Variants in NR3C1 observed in about 807,000 individuals in gnomAD.
NR3C1 encodes the protein nuclear receptor subfamily 3 group C member 1.
NR3C1 carries 14 observed loss-of-function variants against 74.0 expected under a neutral mutation model. That is an observed-to-expected ratio of 0.19 (90% CI 0.12 to 0.30). The LOEUF is 0.30. Ranked by LOEUF, NR3C1 falls within the 10% of genes least tolerant of loss-of-function variation. The pLI is 1.00. For synonymous variants in NR3C1, 308 were observed against 332.5 expected (o/e 0.93, Z 0.80); for missense variants, 695 against 909.8 (o/e 0.76, Z 3.04).
At chr5:143,426,522 G>A (rs1751538432) in intron 1 of NR3C1, among the ~76,000 whole-genome samples, 1 of 152,142 alleles carries the variant, frequency 6.6e-6, no homozygotes, top group Non-Finnish European at 1.5e-5. Context: ...ACAAAAACAC[G>A]TGTTTTGCAT....
chr5:143,333,495 C>T (rs1211771181), intron 2 of NR3C1, among the ~76,000 whole-genome samples: 3 of 151,852 alleles, frequency 2.0e-5, no homozygotes, highest in African/African-American at 7.3e-5. Context: ...GCTGGCCGGG[C>T]GCGGTGGCTC....
At chr5:143,310,870 A>G (rs906554017) in intron 3 of NR3C1, among the ~76,000 whole-genome samples, 1 of 151,942 alleles carries the variant, frequency 6.6e-6, no homozygotes, top group Non-Finnish European at 1.5e-5. Flanking sequence ...GTTGGCTAGG[A>G]TTGTCTCGAT....
At chr5:143,418,997 TATCCCTAATCCCA>T (rs1260248020) in intron 1 of NR3C1, among the ~76,000 whole-genome samples, 1 of 152,216 alleles carries the variant, frequency 6.6e-6, no homozygotes, top group Non-Finnish European at 1.5e-5. Context: ...ATAGGTCAAA[TATCCCTAATCCCA>T]AATTCTGAAA....
intron 2 of NR3C1, among the ~76,000 whole-genome samples, chr5:143,333,897 T>C: frequency 6.6e-6 from 1 of 152,278 alleles, no homozygotes; most frequent in Non-Finnish European, 1.5e-5. Flanking sequence ...TCTATTTTGC[T>C]GAAGAAATCT....
At chr5:143,389,231 C>G (rs1335853157) in intron 2 of NR3C1, among the ~76,000 whole-genome samples, 2 of 152,278 alleles carry the variant, frequency 1.3e-5, no homozygotes, top group Middle Eastern at 3.4e-3. Context: ...TCTTCTTCAT[C>G]TCCATATGCC....
intron 1 of NR3C1, chr5:143,408,853 A>T (rs759550040): frequency 4.6e-5 from 7 of 152,098 alleles, no homozygotes; most frequent in Non-Finnish European, 7.4e-5. Context: ...AATTTTTATG[A>T]TTCCTCACTC....
At chr5:143,360,987 A>T (rs1269666016) in intron 2 of NR3C1, among the ~76,000 whole-genome samples, 1 of 152,250 alleles carries the variant, frequency 6.6e-6, no homozygotes, top group African/African-American at 2.4e-5. Context: ...CAAACAAATA[A>T]GCTATCCTAT....
At chr5:143,361,227 T>C (rs1290033784) in intron 2 of NR3C1, among the ~76,000 whole-genome samples, 2 of 152,206 alleles carry the variant, frequency 1.3e-5, no homozygotes, top group Non-Finnish European at 2.9e-5. Flanking sequence ...GCAGCAACAC[T>C]GGCATTAACT....
chr5:143,285,193 T>C (rs947016574), intron 7 of NR3C1, among the ~76,000 whole-genome samples: 1 of 152,176 alleles, frequency 6.6e-6, no homozygotes, highest in South Asian at 2.1e-4. Flanking sequence ...GTGAAATCCC[T>C]TGAGGCCATA....
At chr5:143,314,356 A>C (rs1431563441) in intron 2 of NR3C1, among the ~76,000 whole-genome samples, 188 bp from the exon 3 acceptor site, 1 of 151,868 alleles carries the variant, frequency 6.6e-6, no homozygotes, top group Admixed American at 6.6e-5. Flanking sequence ...CAAAATTAAG[A>C]ATGAGGTCAT....
chr5:143,401,944 G>A (rs1274996968), intron 1 of NR3C1, among the ~76,000 whole-genome samples: 7 of 152,180 alleles, frequency 4.6e-5, no homozygotes, highest in African/African-American at 1.7e-4. Flanking sequence ...GTTAATCAGG[G>A]TGTTTTAAGA....
At position 143,327,658 on chromosome 5, in the gene NR3C1, C is replaced by T. The variant is rs116295240; in HGVS notation, c.1185-13490G>A. ...ATGTTCCTGTTCCAAATGGGAGAAA[C>T]TGGTCAAACCAAGGGCCACAGGCCC... On this transcript the variant is annotated intron_variant, in intron 2 of 8. Coordinates refer to ENST00000394464, the MANE Select transcript of NR3C1 (RefSeq NM_000176.3). Among the ~76,000 whole-genome samples, 833 of 152,352 alleles carry T rather than the reference C, an allele frequency of 5.5e-3. 5 individuals are homozygous for T. Among genetic ancestry groups the T allele is most frequent in the East Asian group, 0.022 (115 of 5,182 alleles).
In NR3C1 at chr5:143,403,389, G is replaced by A; in HGVS notation, c.-192C>T. ...GGGGGGAGAGCCCCTATTTAAGAAA[G>A]TCTCCCATTGCCCAGCTGACAAGCC... On this transcript the variant is annotated 5_prime_UTR_variant, in exon 1 of 9. Transcript: ENST00000394464. 1 of 985,416 alleles carries A rather than the reference G, an allele frequency of 1.0e-6. No individual in the cohort carries two copies. The highest frequency in any genetic ancestry group is 1.2e-6 in the Non-Finnish European group (1 of 829,974). 61.0% of individuals were successfully genotyped at this position (985,416 alleles called of 1,614,324 possible).
intron 1 of NR3C1, among the ~76,000 whole-genome samples, chr5:143,427,624 C>A (rs1313017590): frequency 1.3e-5 from 2 of 152,184 alleles, no homozygotes; most frequent in Non-Finnish European, 2.9e-5. Context: ...TGCAAGATGG[C>A]TGCATCAGGC....
intron 1 of NR3C1, chr5:143,402,639 G>C (rs1254117683): frequency 8.1e-6 from 8 of 985,440 alleles, no homozygotes; most frequent in Non-Finnish European, 9.6e-6. Context: ...ACTTCTAACA[G>C]ATAACGCCGG....
chr5:143,301,670 A>G (rs1205760377), intron 4 of NR3C1, among the ~76,000 whole-genome samples: 1 of 152,178 alleles, frequency 6.6e-6, no homozygotes, highest in Non-Finnish European at 1.5e-5. Flanking sequence ...TCAGAGGGAA[A>G]GTACTCAGAA....
chr5:143,418,055 A>G (rs114016421), intron 1 of NR3C1, among the ~76,000 whole-genome samples: 45 of 152,354 alleles, frequency 3.0e-4, no homozygotes, highest in African/African-American at 1.1e-3. Context: ...GCACAGAGAA[A>G]TAAAATGATT....
intron 1 of NR3C1, among the ~76,000 whole-genome samples, chr5:143,416,775 G>T (rs1298310200): frequency 6.6e-6 from 1 of 152,148 alleles, no homozygotes; most frequent in Non-Finnish European, 1.5e-5. Context: ...GAAGCCAGTT[G>T]AATGTCTAAA....
intron 2 of NR3C1, among the ~76,000 whole-genome samples, chr5:143,351,392 T>TA (rs544110322): frequency 2.6e-5 from 4 of 152,126 alleles, no homozygotes; most frequent in Non-Finnish European, 5.9e-5. Flanking sequence ...CCTATCTTTA[T>TA]AAAAAAATGC....
Sources: allele counts gnomAD v4.1 joint callset (sites outside exome capture counted in the v4.1 genomes callset), GRCh38; gene constraint gnomAD v4.1.1; transcripts MANE v1.5; gene names NCBI Gene and HGNC (gene_info 2026-07-23, HGNC 2026-07-21).